Variants in PGAP1 observed in about 807,000 individuals in gnomAD.
The protein encoded by PGAP1 is GPI inositol-deacylase.
In PGAP1, 76 loss-of-function variants were observed where a neutral mutation model predicts 127.0. The observed-to-expected ratio is 0.60, with a 90% CI of 0.50 to 0.72. The LOEUF (loss-of-function observed/expected upper bound fraction) is 0.72, where lower values mean the gene tolerates loss of function less well. Ranked by LOEUF, PGAP1 falls within the 30% of genes least tolerant of loss-of-function variation. The pLI, the probability that PGAP1 is intolerant of heterozygous loss-of-function variation, is 0.00. For synonymous variants in PGAP1, 362 were observed against 366.5 expected (o/e 0.99, Z 0.14); for missense variants, 982 against 1,071.3 (o/e 0.92, Z 1.16).
At chr2:196,866,703 A>C (rs1445878992) in intron 19 of PGAP1, among the ~76,000 whole-genome samples, 1 of 152,152 alleles carries the variant, frequency 6.6e-6, no homozygotes, top group Non-Finnish European at 1.5e-5. Context: ...AATGGGGGAA[A>C]ATTTTTGCAA....
At chr2:196,842,369 C>G (rs145627713) in intron 26 of PGAP1, among the ~76,000 whole-genome samples, 129 of 152,164 alleles carry the variant, frequency 8.5e-4, no homozygotes, top group African/African-American at 3.0e-3. Flanking sequence ...AGTAGACTAA[C>G]AGTATAATGA....
chr2:196,897,009 T>C (rs1341006830), intron 7 of PGAP1, 122 bp downstream of exon 7: 2 of 519,406 alleles, frequency 3.9e-6, no homozygotes, highest in African/African-American at 4.0e-5. Context: ...TTAAAATTGA[T>C]ATAAGGTATA....
intron 4 of PGAP1, among the ~76,000 whole-genome samples, chr2:196,903,897 C>A (rs570375705): frequency 9.1e-4 from 138 of 152,268 alleles, no homozygotes; most frequent in African/African-American, 3.2e-3. Context: ...TTTATCCTGA[C>A]ATTTGATCCC....
rs1423735479 is a variant in PGAP1, at chr2:196,842,788, A to G, written c.2563T>C (p.Leu855=). The part of the protein sequence containing the change: ...FKLNPDPCKP[L]AFILIPTMAI... ...ATAGTCGGAATAAGGATAAATGCCA[A>G]AGGTTTACATGGATCAGGATTAAGT... is the stretch of plus-strand genomic sequence containing the variant. Residue 855 remains leucine (L), a synonymous_variant, in exon 26 of 27, where the codon TTG becomes CTG. Transcript: ENST00000354764. 4 of 1,584,428 alleles carry G rather than the reference A, an allele frequency of 2.5e-6. No homozygotes were observed. In the East Asian group the frequency reaches 6.8e-5, roughly 27 times the overall value.
Position 196,873,586 on chromosome 2 carries a change from G to C in PGAP1, c.1501-7C>G. 6.2e-7 allele frequency: 1 copy of C among 1,610,168 alleles called. No homozygotes were observed. ...TTTTAAAAGCTTGGTATATCTAATA[G>C]AGTTTGACCACAAAAACAAAATATA... On this transcript the variant is annotated splice_polypyrimidine_tract_variant and splice_region_variant and intron_variant, in intron 15 of 26. Coordinates refer to ENST00000354764, the MANE Select transcript of PGAP1 (RefSeq NM_024989.4).
At position 196,883,685 on chromosome 2, in the gene PGAP1, C is replaced by T. The variant is rs533846176; in HGVS notation, c.1272+1739G>A. On this transcript the variant is annotated intron_variant, in intron 12 of 26. Coordinates refer to ENST00000354764, the MANE Select transcript of PGAP1 (RefSeq NM_024989.4). ...AAGTTCAGTCCACAGAAATGCCTAACAATGATATAATTCTCATCTGACATT... is the reference window on the plus strand; with the variant it reads ...AAGTTCAGTCCACAGAAATGCCTAATAATGATATAATTCTCATCTGACATT... 2.6e-4 allele frequency among the ~76,000 whole-genome samples: 39 copies of T among 152,288 alleles called. No homozygotes were observed. The South Asian group carries it at 2.9e-3, about 11-fold the overall frequency.
chr2:196,890,937 T>C (rs1036626351), intron 9 of PGAP1, 26 bp from the exon 10 acceptor site: 2 of 1,188,566 alleles, frequency 1.7e-6, no homozygotes, highest in East Asian at 2.3e-5. Flanking sequence ...AAACACTCAA[T>C]ATAGCTGTAA....
intron 9 of PGAP1, among the ~76,000 whole-genome samples, chr2:196,891,715 T>C (rs1702105726): frequency 2.6e-5 from 4 of 152,080 alleles, no homozygotes; most frequent in African/African-American, 9.6e-5. Context: ...TGTAAGTATA[T>C]AGAATTAACT....
intron 26 of PGAP1, among the ~76,000 whole-genome samples, 198 bp from the exon 27 acceptor site, chr2:196,841,570 T>C (rs2125774230): frequency 6.6e-6 from 1 of 152,346 alleles, no homozygotes; most frequent in South Asian, 2.1e-4. Flanking sequence ...CAGGCTGGAG[T>C]GCAGTGGCGC....
At chr2:196,923,285 T>A (rs892271667) in intron 1 of PGAP1, among the ~76,000 whole-genome samples, 1 of 152,216 alleles carries the variant, frequency 6.6e-6, no homozygotes, top group African/African-American at 2.4e-5. Flanking sequence ...CACCTTCACA[T>A]ATACTATTTA....
intron 25 of PGAP1, among the ~76,000 whole-genome samples, chr2:196,843,593 G>C (rs1327042494): frequency 6.6e-6 from 1 of 152,038 alleles, no homozygotes; most frequent in East Asian, 1.9e-4. Flanking sequence ...TATTCCCGAA[G>C]TTTATATACA....
intron 4 of PGAP1, among the ~76,000 whole-genome samples, chr2:196,904,076 A>T (rs1042348445): frequency 3.9e-5 from 6 of 152,164 alleles, no homozygotes; most frequent in Non-Finnish European, 1.5e-5. Flanking sequence ...AAAAGTCAAA[A>T]ATCCAGCTAA....
Position 196,834,762 on chromosome 2 carries a change from C to T in PGAP1, c.*6472G>A, listed in dbSNP as rs929439843. On this transcript the variant is annotated 3_prime_UTR_variant, in exon 27 of 27. Coordinates refer to ENST00000354764, the MANE Select transcript of PGAP1 (RefSeq NM_024989.4). Reference sequence around the variant, plus strand: ...AATACATATTTGATTATATAGAAAGCATGATTATGTTAAATACAGGCATCT... The same window carrying T: ...AATACATATTTGATTATATAGAAAGTATGATTATGTTAAATACAGGCATCT... 6 of 151,716 alleles carry T rather than the reference C, an allele frequency of 4.0e-5. No individual in the cohort carries two copies. Among genetic ancestry groups the T allele is most frequent in the African/African-American group, 1.5e-4 (6 of 41,362 alleles). The allele number at this position is 151,716 out of a possible 1,614,324, so 9.4% of individuals were successfully genotyped here.
intron 13 of PGAP1, among the ~76,000 whole-genome samples, chr2:196,879,301 G>A (rs916034321): frequency 6.6e-5 from 10 of 152,082 alleles, no homozygotes; most frequent in Non-Finnish European, 1.5e-4. Context: ...GCTATATTCT[G>A]ATTTGTGTTA....
intron 12 of PGAP1, among the ~76,000 whole-genome samples, chr2:196,883,202 G>A (rs1240672430): frequency 2.6e-5 from 4 of 152,148 alleles, no homozygotes. Flanking sequence ...TGTGTGGGGT[G>A]GGAGTAGTTA....
chr2:196,834,573 T>C lies in PGAP1; in HGVS notation c.*6661A>G, dbSNP rs1011798962. 2 of 152,442 alleles carry C rather than the reference T, an allele frequency of 1.3e-5. No homozygotes were observed. Among genetic ancestry groups the C allele is most frequent in the Non-Finnish European group, 2.9e-5 (2 of 67,878 alleles). The allele number at this position is 152,442 out of a possible 1,614,324, so 9.4% of individuals were successfully genotyped here. ...TTATATTTATAGCCAGTCATAAGCT[T>C]CAGAAACTATAATACAATCACTTCA... On this transcript the variant is annotated 3_prime_UTR_variant, in exon 27 of 27. Transcript: ENST00000354764.
chr2:196,873,987 T>C (rs1443995776), intron 14 of PGAP1: 2 of 386,086 alleles, frequency 5.2e-6, no homozygotes, highest in African/African-American at 4.2e-5. Context: ...AAGTCAGGTA[T>C]ATAATTCCAA....
chr2:196,866,628 A>G (rs972920056), intron 19 of PGAP1, among the ~76,000 whole-genome samples: 9 of 152,204 alleles, frequency 5.9e-5, no homozygotes, highest in Non-Finnish European at 1.2e-4. Context: ...AATGGGATCT[A>G]ATTAAACTAA....
intron 1 of PGAP1, among the ~76,000 whole-genome samples, 186 bp from the exon 2 acceptor site, chr2:196,920,336 G>T (rs1703147181): frequency 6.6e-6 from 1 of 152,056 alleles, no homozygotes; most frequent in Admixed American, 6.5e-5. Context: ...AATCAGTCTT[G>T]AATTGTGTAT....
Sources: allele counts gnomAD v4.1 joint callset (sites outside exome capture counted in the v4.1 genomes callset), GRCh38; gene constraint gnomAD v4.1.1; transcripts MANE v1.5; gene names NCBI Gene and HGNC (gene_info 2026-07-23, HGNC 2026-07-21).